MUSK: variants seen among roughly 807,000 people sequenced by gnomAD.
The protein encoded by MUSK is muscle associated receptor tyrosine kinase, also known as muscle, skeletal receptor tyrosine-protein kinase.
A neutral mutation model predicts 88.7 loss-of-function variants in MUSK; 55 were observed. The ratio of observed to expected loss-of-function variants is 0.62; its 90% CI spans 0.50 to 0.78. The LOEUF (loss-of-function observed/expected upper bound fraction) is 0.78. MUSK is among the 30% of genes least tolerant of loss of function. The pLI is 0.00. For synonymous variants in MUSK, 387 were observed against 391.9 expected, an observed-to-expected ratio of 0.99 and a Z score of 0.15; for missense variants, 1,015 against 1,074.3, an observed-to-expected ratio of 0.94 and a Z score of 0.77.
Position 110,668,822 on chromosome 9 carries a change from G to A in MUSK, c.-83G>A. ...TAGCAGACAACCCTTTTGCAACAAA[G>A]TATGCTTTAAAATGTAAACTGTGGA... On this transcript the variant is annotated 5_prime_UTR_variant, in exon 1 of 15. Coordinates refer to ENST00000374448, the MANE Select transcript of MUSK (RefSeq NM_005592.4). The A allele has an allele frequency of 9.3e-7, 1 of 1,079,562 alleles. No individual in the cohort carries two copies. Among genetic ancestry groups the A allele is most frequent in the Non-Finnish European group, 1.4e-6 (1 of 700,844 alleles). 66.9% of individuals were successfully genotyped at this position (1,079,562 alleles called of 1,614,324 possible). A position where few individuals can be genotyped will look rare whatever the true frequency, so the allele number is the denominator to read the frequency against.
rs2846445 is a variant in MUSK at position 110,805,506 on chromosome 9, G to C, written c.*4518G>C. 0.37 allele frequency among the ~76,000 whole-genome samples: 56,364 copies of C among 151,530 alleles called. 11,268 individuals are homozygous for C. Among genetic ancestry groups the C allele is most frequent in the Middle Eastern group, 0.47 (135 of 290 alleles). Reference sequence around the variant, plus strand: ...GCCTCCTACTATTATTTTTCTACTGGGTATATCTTTTTCTTGTTGCTTTGT... The same window carrying C: ...GCCTCCTACTATTATTTTTCTACTGCGTATATCTTTTTCTTGTTGCTTTGT... On this transcript the variant is annotated 3_prime_UTR_variant, in exon 15 of 15. Transcript: ENST00000374448.
At chr9:110,709,711 A>G (rs1272687898) in intron 5 of MUSK, among the ~76,000 whole-genome samples, 1 of 152,210 alleles carries the variant, frequency 6.6e-6, no homozygotes, top group Admixed American at 6.5e-5. Flanking sequence ...TACAAGCAAT[A>G]AAGTCCAATG....
rs1057518966 is a variant in MUSK, at chr9:110,800,743, G to A, written c.2365G>A (p.Gly789Ser). ...TACAGAGTCTGATGTGTGGGCCTAT[G>A]GCGTGGTCCTCTGGGAGATCTTCTC... ...YTTESDVWAY[G>S]VVLWEIFSYG... is the part of the protein sequence containing the mutation. Residue 789 changes from glycine (G) to serine (S), a missense_variant, in exon 15 of 15, where the codon GGC becomes AGC. Physicochemically the swap from Gly to Ser is moderately conservative, Grantham distance 56. Coordinates refer to ENST00000374448, the MANE Select transcript of MUSK (RefSeq NM_005592.4). 1 of 1,613,996 alleles carries A rather than the reference G, an allele frequency of 6.2e-7. No individual in the cohort carries two copies. The highest frequency in any genetic ancestry group is 8.5e-7 in the Non-Finnish European group (1 of 1,179,896).
chr9:110,761,368 G>A (rs753152535), intron 7 of MUSK, among the ~76,000 whole-genome samples: 75 of 152,028 alleles, frequency 4.9e-4, no homozygotes, highest in Non-Finnish European at 7.1e-4. Context: ...AATTAAGCCC[G>A]AGGCCCTTCT....
chr9:110,717,289 A>ATGT (rs1341711295), intron 5 of MUSK, among the ~76,000 whole-genome samples: 1 of 149,512 alleles, frequency 6.7e-6, no homozygotes, highest in East Asian at 1.9e-4. Flanking sequence ...GTGGATCACA[A>ATGT]TGTTATATTT....
chr9:110,785,613 C>G lies in MUSK; in HGVS notation c.1673C>G (p.Pro558Arg), dbSNP rs369745938. Residue 558 changes from proline (P) to arginine (R), a missense_variant, in exon 13 of 15, where the codon CCG (proline) becomes CGG (arginine). Physicochemically the swap from Pro to Arg is moderately radical, Grantham distance 103. Coordinates refer to ENST00000374448, the MANE Select transcript of MUSK (RefSeq NM_005592.4). The part of the protein sequence containing the change: ...LHPNPMYQRM[P>R]LLLNPKLLSL... ...CCCAACCCCATGTACCAGAGGATGCCGCTCCTTCTGAACCCCAAATTGCTC... is the reference window on the plus strand; with the variant it reads ...CCCAACCCCATGTACCAGAGGATGCGGCTCCTTCTGAACCCCAAATTGCTC... 6 of 1,613,180 alleles carry G rather than the reference C, an allele frequency of 3.7e-6. No individual in the cohort carries two copies. The highest frequency in any genetic ancestry group is 5.1e-6 in the Non-Finnish European group (6 of 1,179,620).
intron 5 of MUSK, among the ~76,000 whole-genome samples, chr9:110,725,201 A>C (rs1349562858): frequency 6.6e-6 from 1 of 152,064 alleles, no homozygotes; most frequent in Non-Finnish European, 1.5e-5. Context: ...GGGAGCTAAG[A>C]TAATGAGGAT....
At chr9:110,709,291 G>T (rs1028883934) in intron 5 of MUSK, among the ~76,000 whole-genome samples, 1 of 152,120 alleles carries the variant, frequency 6.6e-6, no homozygotes, top group East Asian at 1.9e-4. Context: ...ACTATACAAG[G>T]CATTATTTTT....
At chr9:110,671,646 GTGA>G (rs2075958178) in intron 1 of MUSK, among the ~76,000 whole-genome samples, 1 of 152,138 alleles carries the variant, frequency 6.6e-6, no homozygotes, top group Admixed American at 6.5e-5. Flanking sequence ...ATTTCAACTA[GTGA>G]TATTTTCAAT....
chr9:110,785,997 T>C (rs1023824999), intron 13 of MUSK, among the ~76,000 whole-genome samples: 7 of 149,528 alleles, frequency 4.7e-5, no homozygotes, highest in African/African-American at 1.7e-4. Context: ...TAATATACTA[T>C]ATAAAATAGT....
At chr9:110,763,840 A>G (rs1192742272) in intron 8 of MUSK, among the ~76,000 whole-genome samples, 1 of 152,318 alleles carries the variant, frequency 6.6e-6, no homozygotes, top group African/African-American at 2.4e-5. Context: ...TCTCCCTCAG[A>G]GAAACTTGAA....
At chr9:110,714,650 T>C (rs1250960379) in intron 5 of MUSK, among the ~76,000 whole-genome samples, 1 of 152,190 alleles carries the variant, frequency 6.6e-6, no homozygotes, top group Non-Finnish European at 1.5e-5. Flanking sequence ...TTTAGGTTTG[T>C]CATTATTGCT....
intron 7 of MUSK, among the ~76,000 whole-genome samples, chr9:110,750,947 C>T (rs1195114030): frequency 1.3e-5 from 2 of 152,180 alleles, no homozygotes; most frequent in African/African-American, 4.8e-5. Flanking sequence ...CTACCTTCCT[C>T]CTTTTCACAG....
chr9:110,689,720 T>TATAAATATA (rs1479572084), intron 3 of MUSK, among the ~76,000 whole-genome samples: 10 of 57,036 alleles, frequency 1.8e-4, no homozygotes, highest in African/African-American at 1.3e-3. Context: ...ACTATATATG[T>TATAAATATA]TATATATAGT....
intron 5 of MUSK, among the ~76,000 whole-genome samples, chr9:110,715,091 G>A (rs931753627): frequency 2.0e-5 from 3 of 149,474 alleles, no homozygotes; most frequent in Non-Finnish European, 4.4e-5. Context: ...GCAGATTGAC[G>A]TTACAAAATA....
At chr9:110,684,431 T>A (rs529797736) in intron 2 of MUSK, among the ~76,000 whole-genome samples, 2 of 152,056 alleles carry the variant, frequency 1.3e-5, no homozygotes, top group African/African-American at 2.4e-5. Flanking sequence ...ATTCCTCCAG[T>A]TTTTTTCTTT....
chr9:110,686,413 G>A (rs1273281362), intron 2 of MUSK, among the ~76,000 whole-genome samples: 1 of 152,042 alleles, frequency 6.6e-6, no homozygotes, highest in African/African-American at 2.4e-5. Flanking sequence ...CTGTGGGAGT[G>A]TTATTCTGCT....
intron 2 of MUSK, among the ~76,000 whole-genome samples, chr9:110,685,524 C>A (rs916992572): frequency 1.3e-5 from 2 of 152,080 alleles, no homozygotes; most frequent in East Asian, 1.9e-4. Flanking sequence ...GAAATTTCCT[C>A]AGCTAAATAT....
chr9:110,763,390 A>T (rs970875445), intron 8 of MUSK, among the ~76,000 whole-genome samples: 2 of 150,744 alleles, frequency 1.3e-5, no homozygotes, highest in African/African-American at 5.0e-5. Flanking sequence ...CTGCCTTAGC[A>T]GAGTAAAGTT....
Sources: gnomAD v4.1 joint callset for allele counts (sites outside exome capture counted in the v4.1 genomes callset) on GRCh38, gnomAD v4.1.1 for gene constraint, MANE v1.5 for transcripts, NCBI Gene and HGNC (gene_info 2026-07-23, HGNC 2026-07-21) for gene names.